OPCML: variants seen among roughly 807,000 people sequenced by gnomAD.
OPCML encodes opioid-binding protein/cell adhesion molecule.
Under a neutral mutation model 37.8 loss-of-function variants are expected in OPCML, and 13 were observed. The observed-to-expected ratio is 0.34, with a 90% CI of 0.22 to 0.55. The LOEUF (loss-of-function observed/expected upper bound fraction) is 0.55. OPCML is among the 20% of genes least tolerant of loss of function. OPCML has a pLI of 0.91. For missense variants in OPCML, 341 were observed against 435.6 expected (o/e 0.78, Z 1.93); for synonymous variants, 176 against 168.8 (o/e 1.04, Z -0.33).
intron 4 of OPCML, among the ~76,000 whole-genome samples, chr11:132,493,835 G>A (rs898291211): frequency 6.6e-6 from 1 of 152,232 alleles, no homozygotes; most frequent in Non-Finnish European, 1.5e-5. Flanking sequence ...CCAAATGCAA[G>A]GCATAGGAGC....
At chr11:132,796,569 T>C (rs1022986163) in intron 2 of OPCML, among the ~76,000 whole-genome samples, 2 of 125,756 alleles carry the variant, frequency 1.6e-5, no homozygotes, top group Non-Finnish European at 3.3e-5. Context: ...TTCTTTCTTT[T>C]TTTTTTTTTT....
intron 4 of OPCML, among the ~76,000 whole-genome samples, chr11:132,459,465 T>A (rs947325777): frequency 6.7e-6 from 1 of 149,286 alleles, no homozygotes; most frequent in African/African-American, 2.5e-5. Context: ...ACTTCCTATA[T>A]ATATATCTAC....
chr11:133,112,285 C>CAAAAAAAAAA (rs370146450), intron 1 of OPCML, among the ~76,000 whole-genome samples: 1 of 49,124 alleles, frequency 2.0e-5, no homozygotes, highest in East Asian at 6.7e-4. Context: ...GACTCTTGGC[C>CAAAAAAAAAA]AAAAAAAAAA....
intron 2 of OPCML, among the ~76,000 whole-genome samples, chr11:132,675,433 A>G (rs1942660795): frequency 6.6e-6 from 1 of 152,020 alleles, no homozygotes; most frequent in Non-Finnish European, 1.5e-5. Context: ...TAAGCTTGCA[A>G]TATGCACAAT....
chr11:133,394,334 G>A (rs1238228299), intron 1 of OPCML, among the ~76,000 whole-genome samples: 2 of 152,096 alleles, frequency 1.3e-5, no homozygotes, highest in African/African-American at 4.8e-5. Flanking sequence ...TTTTGGTACA[G>A]GCAATGTATA....
rs149960865 is a variant in OPCML at position 133,136,261 on chromosome 11, T to C, written c.62-193251A>G. Among the ~76,000 whole-genome samples, 770 of 152,210 alleles carry C rather than the reference T, an allele frequency of 5.1e-3. 11 individuals are homozygous for C. The highest frequency in any genetic ancestry group is 0.017 in the African/African-American group (711 of 41,534). ...TTGGAATGATATGCATGAAGAGAAATACAGCAATGGAAGAGTGGGAATAAA... is the reference window on the plus strand; with the variant it reads ...TTGGAATGATATGCATGAAGAGAAACACAGCAATGGAAGAGTGGGAATAAA... On this transcript the variant is annotated intron_variant, in intron 1 of 7. Transcript: ENST00000524381.
intron 4 of OPCML, among the ~76,000 whole-genome samples, chr11:132,485,774 A>G (rs868234812): frequency 1.2e-4 from 18 of 152,228 alleles, no homozygotes; most frequent in African/African-American, 4.3e-4. Context: ...GGATGAATAC[A>G]GCATCATTTG....
intron 1 of OPCML, among the ~76,000 whole-genome samples, chr11:133,394,790 T>G (rs1455790158): frequency 6.6e-6 from 1 of 152,246 alleles, no homozygotes; most frequent in Non-Finnish European, 1.5e-5. Context: ...GACACTTAGG[T>G]TGCTTCCAAA....
At chr11:132,718,803 T>G (rs1304003255) in intron 2 of OPCML, among the ~76,000 whole-genome samples, 1 of 152,084 alleles carries the variant, frequency 6.6e-6, no homozygotes, top group Non-Finnish European at 1.5e-5. Flanking sequence ...GAAAGGAGTG[T>G]GAAGGAGCAG....
intron 1 of OPCML, among the ~76,000 whole-genome samples, chr11:133,099,822 T>G (rs1352107455): frequency 7.2e-5 from 11 of 152,226 alleles, no homozygotes; most frequent in Admixed American, 6.5e-4. Flanking sequence ...TATCAGCCCT[T>G]TGTCAGAAGC....
chr11:133,197,583 T>C (rs1371785545), intron 1 of OPCML, among the ~76,000 whole-genome samples: 1 of 152,214 alleles, frequency 6.6e-6, no homozygotes, highest in Non-Finnish European at 1.5e-5. Context: ...TAGATGGGAA[T>C]GACTAATCAC....
intron 2 of OPCML, among the ~76,000 whole-genome samples, chr11:132,910,619 C>T (rs1045871608): frequency 1.3e-5 from 2 of 152,194 alleles, no homozygotes; most frequent in East Asian, 1.9e-4. Flanking sequence ...CCTCCCATTA[C>T]GTGAGTGACA....
At chr11:132,944,432 C>G (rs1042274049) in intron 1 of OPCML, among the ~76,000 whole-genome samples, 1 of 152,140 alleles carries the variant, frequency 6.6e-6, no homozygotes, top group African/African-American at 2.4e-5. Context: ...GTCCTGGGCC[C>G]GCGCAGAGGT....
chr11:132,442,835 C>T (rs2096040987), intron 4 of OPCML, among the ~76,000 whole-genome samples: 1 of 152,184 alleles, frequency 6.6e-6, no homozygotes, highest in Non-Finnish European at 1.5e-5. Context: ...GCTTCCCCAG[C>T]CATGTGGAAC....
intron 3 of OPCML, among the ~76,000 whole-genome samples, chr11:132,559,834 A>G (rs1289731007): frequency 6.6e-6 from 1 of 152,182 alleles, no homozygotes; most frequent in Admixed American, 6.5e-5. Context: ...GCTAAAACCC[A>G]CAGAAGACAG....
chr11:133,051,058 T>TACACACAC lies in OPCML; in HGVS notation c.62-108056_62-108049dup, dbSNP rs113538759. On this transcript the variant is annotated intron_variant, in intron 1 of 7. Coordinates refer to ENST00000524381, the MANE Select transcript of OPCML (RefSeq NM_001012393.5). ...CCTGTCCCTCCTCCATGTGTGTACA[T>TACACACAC]ACACACACACACACACACACACACA... 9.7e-4 allele frequency among the ~76,000 whole-genome samples: 144 copies of TACACACAC among 148,096 alleles called. 2 individuals are homozygous for TACACACAC. The highest frequency in any genetic ancestry group is 3.3e-3 in the African/African-American group (132 of 40,316).
At chr11:132,995,709 C>T (rs1360169033) in intron 1 of OPCML, among the ~76,000 whole-genome samples, 2 of 152,128 alleles carry the variant, frequency 1.3e-5, no homozygotes, top group African/African-American at 2.4e-5. Context: ...ACGTGAGCCT[C>T]CTGTGAGGGC....
intron 1 of OPCML, among the ~76,000 whole-genome samples, chr11:133,339,509 T>G (rs969685250): frequency 2.0e-5 from 3 of 152,154 alleles, no homozygotes; most frequent in Non-Finnish European, 4.4e-5. Flanking sequence ...CCAAGGAAGC[T>G]TCCATTCTAC....
chr11:132,537,421 T>C (rs1035433699), intron 3 of OPCML, among the ~76,000 whole-genome samples: 2 of 152,116 alleles, frequency 1.3e-5, no homozygotes, highest in Non-Finnish European at 2.9e-5. Flanking sequence ...TCATACCATA[T>C]ACAAAAATTA....
Sources: allele counts gnomAD v4.1 joint callset (sites outside exome capture counted in the v4.1 genomes callset), GRCh38; gene constraint gnomAD v4.1.1; transcripts MANE v1.5; gene names NCBI Gene and HGNC (gene_info 2026-07-23, HGNC 2026-07-21).